Variants in POU6F2 observed in about 807,000 individuals in gnomAD.
POU6F2 encodes POU class 6 homeobox 2, also known as POU domain, class 6, transcription factor 2.
POU6F2 carries 31 observed loss-of-function variants against 71.3 expected under a neutral mutation model. That is an observed-to-expected ratio of 0.43 (90% confidence interval 0.33 to 0.59). POU6F2 has a LOEUF of 0.59. Ranked by LOEUF, POU6F2 falls within the 20% of genes least tolerant of loss-of-function variation. The pLI, the probability that POU6F2 is intolerant of heterozygous loss-of-function variation, is 0.04. For synonymous variants in POU6F2, 347 were observed against 355.7 expected, an observed-to-expected ratio of 0.98 and a Z score of 0.27; for missense variants, 783 against 856.8, an observed-to-expected ratio of 0.91 and a Z score of 1.07.
intron 4 of POU6F2, among the ~76,000 whole-genome samples, chr7:39,223,397 A>G (rs1167656712): frequency 6.6e-6 from 1 of 152,210 alleles, no homozygotes; most frequent in Non-Finnish European, 1.5e-5. Flanking sequence ...TACTCACGTG[A>G]AAGAACATTT....
rs576064256 is a variant in POU6F2, at chr7:39,058,679, A to G, written c.106-27181A>G. On this transcript the variant is annotated intron_variant, in intron 1 of 9. Coordinates refer to ENST00000518318, the MANE Select transcript of POU6F2 (RefSeq NM_001370959.1). ...AGTAGTAAATTTAGATGATTCTAATATTTGCAAAGTATTAGGAGAATAAAT... is the reference window on the plus strand; with the variant it reads ...AGTAGTAAATTTAGATGATTCTAATGTTTGCAAAGTATTAGGAGAATAAAT... Among the ~76,000 whole-genome samples, 4 of 152,004 alleles carry G rather than the reference A, an allele frequency of 2.6e-5. No homozygotes were observed. The South Asian group carries it at 8.3e-4, about 32-fold the overall frequency.
intron 7 of POU6F2, among the ~76,000 whole-genome samples, chr7:39,450,834 TAGTACCCACACCAC>T (rs1197969836): frequency 6.6e-6 from 1 of 152,074 alleles, no homozygotes; most frequent in East Asian, 1.9e-4. Flanking sequence ...GGGGTGGAAA[TAGTACCCACACCAC>T]AGGCTGATAG....
intron 2 of POU6F2, among the ~76,000 whole-genome samples, chr7:39,197,780 GAC>G (rs996433872): frequency 5.4e-4 from 83 of 152,304 alleles, no homozygotes; most frequent in African/African-American, 1.9e-3. Flanking sequence ...CGCTGATTCT[GAC>G]ACACACCTCT....
chr7:39,178,825 A>C (rs1172581926), intron 2 of POU6F2, among the ~76,000 whole-genome samples: 1 of 152,208 alleles, frequency 6.6e-6, no homozygotes, highest in Non-Finnish European at 1.5e-5. Context: ...CTCTGATGGA[A>C]GAAGGCTAGT....
intron 4 of POU6F2, among the ~76,000 whole-genome samples, chr7:39,325,450 C>T (rs983663005): frequency 2.6e-5 from 4 of 152,172 alleles, no homozygotes; most frequent in South Asian, 4.1e-4. Context: ...GTTTAAAGTT[C>T]AGCCTAGATA....
intron 1 of POU6F2, among the ~76,000 whole-genome samples, chr7:39,041,693 A>G (rs1429108462): frequency 2.0e-5 from 3 of 151,514 alleles, no homozygotes; most frequent in Non-Finnish European, 4.4e-5. Context: ...TTTTATTTCC[A>G]TCTTATTGAT....
intron 6 of POU6F2, among the ~76,000 whole-genome samples, chr7:39,418,279 A>G (rs1445681431): frequency 6.6e-6 from 1 of 152,248 alleles, no homozygotes; most frequent in Non-Finnish European, 1.5e-5. Flanking sequence ...GGAGTATTTC[A>G]TATATGCTAA....
At chr7:39,331,417 C>T (rs996426023) in intron 4 of POU6F2, among the ~76,000 whole-genome samples, 5 of 152,308 alleles carry the variant, frequency 3.3e-5, no homozygotes, top group South Asian at 2.1e-4. Flanking sequence ...TCCCTCTTCA[C>T]GTCCTCACCA....
intron 4 of POU6F2, among the ~76,000 whole-genome samples, chr7:39,329,580 A>G (rs1450176837): frequency 3.9e-5 from 6 of 152,220 alleles, no homozygotes; most frequent in African/African-American, 1.4e-4. Context: ...GCTGGAATCA[A>G]TGATTCACTG....
chr7:39,259,486 A>G (rs1784090695), intron 4 of POU6F2, among the ~76,000 whole-genome samples: 1 of 152,148 alleles, frequency 6.6e-6, no homozygotes, highest in Non-Finnish European at 1.5e-5. Context: ...TGGGAAGTCA[A>G]AAGGCAAGCG....
At chr7:39,077,749 AT>A (rs1791029369) in intron 1 of POU6F2, among the ~76,000 whole-genome samples, 1 of 152,138 alleles carries the variant, frequency 6.6e-6, no homozygotes, top group Non-Finnish European at 1.5e-5. Context: ...TTGCTGTATT[AT>A]TTTTTTTCTT....
At chr7:39,166,422 G>A (rs528629152) in intron 2 of POU6F2, among the ~76,000 whole-genome samples, 60 of 152,268 alleles carry the variant, frequency 3.9e-4, no homozygotes, top group African/African-American at 1.2e-3. Context: ...ATTTGATCAC[G>A]TAAACTTTCT....
At chr7:39,342,274 TA>T (rs1302046069) in intron 5 of POU6F2, among the ~76,000 whole-genome samples, 9 of 152,218 alleles carry the variant, frequency 5.9e-5, no homozygotes, top group Non-Finnish European at 1.3e-4. Flanking sequence ...TATTTTGGTT[TA>T]AAAAAAATTT....
intron 4 of POU6F2, among the ~76,000 whole-genome samples, chr7:39,214,632 A>G (rs752565519): frequency 6.6e-6 from 1 of 152,220 alleles, no homozygotes; most frequent in African/African-American, 2.4e-5. Flanking sequence ...ATTTGGTTCA[A>G]TAAAGTGGCC....
intron 6 of POU6F2, among the ~76,000 whole-genome samples, chr7:39,431,861 C>T (rs1324921645): frequency 6.6e-6 from 1 of 152,194 alleles, no homozygotes; most frequent in Non-Finnish European, 1.5e-5. Flanking sequence ...ACTACTGTGT[C>T]CTGGTGGCCC....
chr7:39,189,122 G>A (rs112444408), intron 2 of POU6F2, among the ~76,000 whole-genome samples: 5 of 152,256 alleles, frequency 3.3e-5, no homozygotes, highest in African/African-American at 1.2e-4. Context: ...TCACAACTGA[G>A]GTCTTGATAT....
At chr7:39,214,167 G>T (rs1179172918) in intron 4 of POU6F2, among the ~76,000 whole-genome samples, 1 of 151,814 alleles carries the variant, frequency 6.6e-6, no homozygotes, top group African/African-American at 2.4e-5. Flanking sequence ...TTGCTTTCTT[G>T]TTCCCTACAC....
At chr7:39,070,209 T>C (rs1790848180) in intron 1 of POU6F2, among the ~76,000 whole-genome samples, 1 of 152,132 alleles carries the variant, frequency 6.6e-6, no homozygotes, top group South Asian at 2.1e-4. Context: ...TGTGGTAAGA[T>C]AGTAAGAAAA....
intron 2 of POU6F2, among the ~76,000 whole-genome samples, chr7:39,191,114 C>T (rs946909939): frequency 6.6e-6 from 1 of 152,148 alleles, no homozygotes; most frequent in Non-Finnish European, 1.5e-5. Flanking sequence ...TGAGTACTAA[C>T]GTATTTTATT....
Sources: gnomAD v4.1 joint callset for allele counts (sites outside exome capture counted in the v4.1 genomes callset) on GRCh38, gnomAD v4.1.1 for gene constraint, MANE v1.5 for transcripts, NCBI Gene and HGNC (gene_info 2026-07-23, HGNC 2026-07-21) for gene names.